SPIRE1: variants seen among roughly 807,000 people sequenced by gnomAD.
SPIRE1 encodes protein spire homolog 1.
Under a neutral mutation model 94.1 loss-of-function variants are expected in SPIRE1, and 40 were observed. The ratio of observed to expected loss-of-function variants is 0.43; its 90% CI spans 0.33 to 0.55. The LOEUF is 0.55. Ranked by LOEUF, SPIRE1 falls within the 20% of genes least tolerant of loss-of-function variation. The pLI, the probability that SPIRE1 is intolerant of heterozygous loss-of-function variation, is 0.06. For missense variants in SPIRE1, 838 were observed against 975.2 expected, an observed-to-expected ratio of 0.86 and a Z score of 1.87; for synonymous variants, 376 against 371.7, an observed-to-expected ratio of 1.01 and a Z score of -0.13.
intron 2 of SPIRE1, among the ~76,000 whole-genome samples, chr18:12,585,290 A>C (rs1380352532): frequency 6.6e-6 from 1 of 152,240 alleles, no homozygotes; most frequent in Non-Finnish European, 1.5e-5. Context: ...CATTATTTTT[A>C]ATTAGAAAAC....
At chr18:12,628,341 C>T (rs2037687192) in intron 2 of SPIRE1, among the ~76,000 whole-genome samples, 1 of 152,074 alleles carries the variant, frequency 6.6e-6, no homozygotes, top group Non-Finnish European at 1.5e-5. Context: ...TCAGGTTTGT[C>T]AAAGATCAGA....
intron 2 of SPIRE1, among the ~76,000 whole-genome samples, chr18:12,558,169 G>A (rs1250087576): frequency 2.0e-5 from 3 of 152,198 alleles, no homozygotes; most frequent in African/African-American, 7.2e-5. Context: ...TGTGCCCGGA[G>A]TTTCTTCCTT....
At chr18:12,643,886 A>G (rs2038149595) in intron 1 of SPIRE1, among the ~76,000 whole-genome samples, 2 of 152,162 alleles carry the variant, frequency 1.3e-5, no homozygotes, top group East Asian at 3.9e-4. Context: ...TGAAAAGATC[A>G]TTAATTAAAG....
intron 16 of SPIRE1, among the ~76,000 whole-genome samples, chr18:12,451,214 C>T (rs954346828): frequency 6.6e-6 from 1 of 152,116 alleles, no homozygotes; most frequent in Admixed American, 6.5e-5. Flanking sequence ...GTAAATTTAT[C>T]TTAATCCCAT....
chr18:12,492,305 G>A (rs1042578396), intron 8 of SPIRE1, among the ~76,000 whole-genome samples: 8 of 152,164 alleles, frequency 5.3e-5, no homozygotes, highest in African/African-American at 1.7e-4. Flanking sequence ...ACTATAGACC[G>A]TTTTCGTAAA....
intron 2 of SPIRE1, among the ~76,000 whole-genome samples, chr18:12,549,671 G>A (rs1433244957): frequency 6.6e-6 from 1 of 151,520 alleles, no homozygotes; most frequent in African/African-American, 2.4e-5. Flanking sequence ...GGACAGTCTC[G>A]ATCTCCTGAC....
chr18:12,566,935 A>C (rs1351189896), intron 2 of SPIRE1, among the ~76,000 whole-genome samples: 1 of 152,182 alleles, frequency 6.6e-6, no homozygotes, highest in Non-Finnish European at 1.5e-5. Context: ...TAGACACAAA[A>C]ATCTTCAGTA....
At chr18:12,527,848 C>T (rs1000323647) in intron 4 of SPIRE1, among the ~76,000 whole-genome samples, 7 of 152,022 alleles carry the variant, frequency 4.6e-5, no homozygotes, top group Non-Finnish European at 1.0e-4. Context: ...GGGTGGATCA[C>T]GAGGTCAGGA....
At chr18:12,521,775 T>G (rs1454590085) in intron 4 of SPIRE1, among the ~76,000 whole-genome samples, 1 of 152,196 alleles carries the variant, frequency 6.6e-6, no homozygotes, top group Non-Finnish European at 1.5e-5. Context: ...TCCATTTTTT[T>G]TTTATTAAAT....
intron 10 of SPIRE1, among the ~76,000 whole-genome samples, chr18:12,472,296 C>T (rs898641693): frequency 1.5e-4 from 23 of 151,892 alleles, no homozygotes; most frequent in African/African-American, 5.5e-4. Flanking sequence ...AACTAAAAAC[C>T]CCAGCAACAA....
intron 2 of SPIRE1, among the ~76,000 whole-genome samples, chr18:12,615,623 T>C (rs1259302302): frequency 6.6e-6 from 1 of 150,376 alleles, no homozygotes; most frequent in African/African-American, 2.4e-5. Flanking sequence ...CATTAAAATA[T>C]AACATTATTA....
At chr18:12,472,076 C>T (rs1369917644) in intron 10 of SPIRE1, among the ~76,000 whole-genome samples, 1 of 152,000 alleles carries the variant, frequency 6.6e-6, no homozygotes, top group African/African-American at 2.4e-5. Context: ...TGAGCCATTG[C>T]GCATGGCCAG....
At chr18:12,646,937 T>C (rs990282537) in intron 1 of SPIRE1, among the ~76,000 whole-genome samples, 9 of 150,728 alleles carry the variant, frequency 6.0e-5, no homozygotes, top group Non-Finnish European at 8.9e-5. Context: ...TCAGCTACCA[T>C]GGAGGCTGAG....
chr18:12,466,269 G>T (rs1261951096), intron 10 of SPIRE1, among the ~76,000 whole-genome samples: 2 of 151,918 alleles, frequency 1.3e-5, no homozygotes, highest in African/African-American at 2.4e-5. Flanking sequence ...TTTCTACTTA[G>T]TATCTATAGA....
At chr18:12,577,322 G>T (rs1181689417) in intron 2 of SPIRE1, among the ~76,000 whole-genome samples, 2 of 151,958 alleles carry the variant, frequency 1.3e-5, no homozygotes, top group African/African-American at 4.8e-5. Flanking sequence ...TAATTTTTTT[G>T]TATTTTAGTA....
intron 2 of SPIRE1, among the ~76,000 whole-genome samples, chr18:12,554,307 A>AC (rs1488262147): frequency 7.3e-5 from 11 of 151,688 alleles, no homozygotes; most frequent in Non-Finnish European, 1.5e-4. Flanking sequence ...AAAAAAAAAA[A>AC]AAAAAAAAAG....
intron 2 of SPIRE1, among the ~76,000 whole-genome samples, chr18:12,621,505 A>T (rs1024118581): frequency 2.0e-5 from 3 of 152,260 alleles, no homozygotes; most frequent in Admixed American, 6.5e-5. Flanking sequence ...GTAACAAAAT[A>T]CAGTATATCC....
intron 10 of SPIRE1, among the ~76,000 whole-genome samples, chr18:12,475,770 GT>G (rs1165070036): frequency 6.6e-6 from 1 of 152,110 alleles, no homozygotes. Flanking sequence ...AAACTACCAC[GT>G]TTTGGAACTG....
Position 12,511,079 on chromosome 18 carries a change from T to C in SPIRE1, c.807+1375A>G, listed in dbSNP as rs149576310. On this transcript the variant is annotated intron_variant, in intron 5 of 16. Transcript: ENST00000409402. ...TGGGAGAGAGAGCTCATATTGTTTA[T>C]TCTGCATTCCCGGAGTCCTCACACA... Among the ~76,000 whole-genome samples, 445 of 152,350 alleles carry C rather than the reference T, an allele frequency of 2.9e-3. 1 individual carries two copies. Among genetic ancestry groups the C allele is most frequent in the Non-Finnish European group, 4.4e-3 (299 of 68,034 alleles).
Sources: allele counts gnomAD v4.1 joint callset (sites outside exome capture counted in the v4.1 genomes callset), GRCh38; gene constraint gnomAD v4.1.1; transcripts MANE v1.5; gene names NCBI Gene and HGNC (gene_info 2026-07-23, HGNC 2026-07-21).